Variants in SLC26A11 observed in about 807,000 individuals in gnomAD.
SLC26A11 encodes sodium-independent sulfate anion transporter.
In SLC26A11, 58 loss-of-function variants were observed where a neutral mutation model predicts 62.2. The observed-to-expected ratio is 0.93, with a 90% CI of 0.76 to 1.16. The LOEUF is 1.16. Among genes scored for constraint, SLC26A11 ranks in the 50% most tolerant of loss-of-function variants. The pLI, the probability that SLC26A11 is intolerant of heterozygous loss-of-function variation, is 0.00. For missense variants in SLC26A11, 790 were observed against 794.3 expected, an observed-to-expected ratio of 0.99 and a Z score of 0.06; for synonymous variants, 411 against 368.9, an observed-to-expected ratio of 1.11 and a Z score of -1.31.
rs1301797616 is a variant in SLC26A11 at position 80,248,694 on chromosome 17, G to A, written c.1522+20G>A. 8.4e-6 allele frequency: 13 copies of A among 1,552,222 alleles called. No homozygotes were observed. The highest frequency in any genetic ancestry group is 8.7e-7 in the Non-Finnish European group (1 of 1,147,300). On this transcript the variant is annotated intron_variant, in intron 15 of 17. Transcript: ENST00000361193. ...TGGAAGGTGCATGGGCGGGGGTCAAGGTGGTCTGAGGTCACTCCCCTGTCC... is the reference window on the plus strand; with the variant it reads ...TGGAAGGTGCATGGGCGGGGGTCAAAGTGGTCTGAGGTCACTCCCCTGTCC...
In SLC26A11 at chr17:80,252,641, G is replaced by C; in HGVS notation, c.1746G>C (p.Gln582His). The change falls in exon 18 of 18, where the codon CAG becomes CAC. Residue 582 changes from glutamine to histidine, a missense_variant. Coordinates refer to ENST00000361193, the MANE Select transcript of SLC26A11 (RefSeq NM_001166347.2). This position sits in a 1 kb window ranked among gnomAD's most constrained non-coding sequence, Gnocchi z 5.2. ...TLEEAEKHLR[Q>H]EPGTQPYNIR... ...TTTCTGCAGAGAAGCACCTGAGGCA[G>C]GAGCCAGGGACCCAGCCCTACAACA... 6.2e-7 allele frequency: 1 copy of C among 1,613,938 alleles called. No homozygotes were observed. Among genetic ancestry groups the C allele is most frequent in the Non-Finnish European group, 8.5e-7 (1 of 1,179,934 alleles).
rs138258263 is a variant in SLC26A11, at chr17:80,248,729, C to T, written c.1522+55C>T. Reference sequence around the variant, plus strand: ...GGTCACTCCCCTGTCCTCTGCCCCCCACTCCCTGCTGTTCAGGACCCCAAG... The same window carrying T: ...GGTCACTCCCCTGTCCTCTGCCCCCTACTCCCTGCTGTTCAGGACCCCAAG... On this transcript the variant is annotated intron_variant, in intron 15 of 17. Transcript: ENST00000361193. 1.4e-4 allele frequency: 213 copies of T among 1,493,020 alleles called. 2 individuals are homozygous for T. The highest frequency in any genetic ancestry group is 1.2e-3 in the Middle Eastern group (7 of 5,884). The allele number at this position is 1,493,020 out of a possible 1,614,324, so 92.5% of individuals were successfully genotyped here.
chr17:80,247,289 A>C (rs1257026886), intron 13 of SLC26A11, among the ~76,000 whole-genome samples: 1 of 151,528 alleles, frequency 6.6e-6, no homozygotes, highest in African/African-American at 2.4e-5. Flanking sequence ...TCTTTTCCCC[A>C]CCTTTCCCCC....
chr17:80,227,965 G>C lies in SLC26A11; in HGVS notation c.736+5G>C. The C allele has an allele frequency of 6.3e-7, 1 of 1,599,234 alleles. No homozygotes were observed. ...TGGTCTGGGCTGCCACGACAGGTGA[G>C]GGGCCTCTGGCTGACATCTTATGCA... On this transcript the variant is annotated splice_donor_5th_base_variant and intron_variant, in intron 7 of 17. Transcript: ENST00000361193.
At position 80,238,827 on chromosome 17, in the gene SLC26A11, G is replaced by GTTTTT. The variant is rs1197738028; in HGVS notation, c.985+1244_985+1248dup. Among the ~76,000 whole-genome samples, 61 of 130,852 alleles carry GTTTTT rather than the reference G, an allele frequency of 4.7e-4. 2 individuals carry two copies. Among genetic ancestry groups the GTTTTT allele is most frequent in the African/African-American group, 1.9e-3 (59 of 31,750 alleles). 85.8% of individuals were successfully genotyped at this position (130,852 alleles called of 152,430 possible). ...TTCAAAGGAGTTTTTTTTGTTTTTT[G>GTTTTT]TTTTTTTTTTTTTTTGGAGACAGAG... On this transcript the variant is annotated intron_variant, in intron 9 of 17. Coordinates refer to ENST00000361193, the MANE Select transcript of SLC26A11 (RefSeq NM_001166347.2).
Position 80,252,557 on chromosome 17 carries a change from TC to T in SLC26A11, c.1730-66del. 1 of 1,487,800 alleles carries T rather than the reference TC, an allele frequency of 6.7e-7. No homozygotes were observed. Among genetic ancestry groups the T allele is most frequent in the Non-Finnish European group, 9.3e-7 (1 of 1,076,616 alleles). The allele number at this position is 1,487,800 out of a possible 1,614,324, so 92.2% of individuals were successfully genotyped here. A position where few individuals can be genotyped will look rare whatever the true frequency, so the allele number is the denominator to read the frequency against. ...CTCTGGAAGGCCCTCCTTAATCCCT[TC>T]CTGTGAACTGACCCATCCTCACTTC... On this transcript the variant is annotated intron_variant, in intron 17 of 17. Coordinates refer to ENST00000361193, the MANE Select transcript of SLC26A11 (RefSeq NM_001166347.2). This position sits in a 1 kb window ranked among gnomAD's most constrained non-coding sequence, Gnocchi z 5.2.
chr17:80,240,121 A>T (rs892303670), intron 9 of SLC26A11, among the ~76,000 whole-genome samples: 1 of 152,210 alleles, frequency 6.6e-6, no homozygotes, highest in Non-Finnish European at 1.5e-5. Context: ...TAGTCCCAGC[A>T]CTTTGGGAGG....
At chr17:80,245,052 G>A in intron 10 of SLC26A11, 144 bp from the exon 11 acceptor site, 1 of 657,960 alleles carries the variant, frequency 1.5e-6, no homozygotes, top group South Asian at 1.7e-5. Flanking sequence ...CCCTGAAGGA[G>A]TGCGTAGGCC....
intron 10 of SLC26A11, among the ~76,000 whole-genome samples, chr17:80,242,476 G>A (rs1340488990): frequency 2.0e-5 from 3 of 152,152 alleles, no homozygotes; most frequent in Non-Finnish European, 2.9e-5. Flanking sequence ...ACCTAGTGCC[G>A]GGGGTCAAGA....
At position 80,228,058 on chromosome 17, in the gene SLC26A11, T is replaced by G; in HGVS notation, c.736+98T>G. The G allele has an allele frequency of 8.9e-7, 1 of 1,122,200 alleles. No homozygotes were observed. The highest frequency in any genetic ancestry group is 1.3e-6 in the Non-Finnish European group (1 of 785,724). The allele number at this position is 1,122,200 out of a possible 1,614,324, so 69.5% of individuals were successfully genotyped here. ...ACCCTAGGGATTCTCACGTCATTGG[T>G]CTGGGTGTCACTTGAGCATTGGGAC... On this transcript the variant is annotated intron_variant, in intron 7 of 17. Transcript: ENST00000361193. The surrounding 1 kb of genome is among the most constrained non-coding windows in gnomAD (Gnocchi z 4.1).
rs10664170 is a variant in SLC26A11, at chr17:80,224,370, A to G, written c.513+1033A>G. Among the ~76,000 whole-genome samples the G allele has an allele frequency of 1.7e-3, 170 of 97,744 alleles. 1 individual carries two copies. The highest frequency in any genetic ancestry group is 8.0e-3 in the African/African-American group (167 of 20,906). The allele number at this position is 97,744 out of a possible 152,430, so 64.1% of individuals were successfully genotyped here. On this transcript the variant is annotated intron_variant, in intron 5 of 17. Coordinates refer to ENST00000361193, the MANE Select transcript of SLC26A11 (RefSeq NM_001166347.2). Reference sequence around the variant, plus strand: ...GTGGGTGTGGGTGTGAGGGAGTGTGAGTGCGCGCGCGCGTGTGTGAGTGTA... The same window carrying G: ...GTGGGTGTGGGTGTGAGGGAGTGTGGGTGCGCGCGCGCGTGTGTGAGTGTA...
chr17:80,246,338 C>T lies in SLC26A11; in HGVS notation c.1153+129C>T. 2.8e-6 allele frequency: 4 copies of T among 1,415,608 alleles called. No individual in the cohort carries two copies. Among genetic ancestry groups the T allele is most frequent in the Non-Finnish European group, 3.8e-6 (4 of 1,049,828 alleles). 87.7% of individuals were successfully genotyped at this position (1,415,608 alleles called of 1,614,324 possible). A position where few individuals can be genotyped will look rare whatever the true frequency, so the allele number is the denominator to read the frequency against. On this transcript the variant is annotated intron_variant, in intron 12 of 17. Transcript: ENST00000361193. The surrounding 1 kb of genome is among the most constrained non-coding windows in gnomAD (Gnocchi z 4.4). ...GGGACTGCACAGGGACTTGGGGGGC[C>T]ACACAGGAGTAGGGGGACCACAGGA...
intron 16 of SLC26A11, among the ~76,000 whole-genome samples, 183 bp from the exon 17 acceptor site, chr17:80,251,146 A>T (rs11868423): frequency 0.36 from 53,984 of 148,446 alleles, 9,744 homozygotes; most frequent in East Asian, 0.58. Context: ...ACAAAAAATT[A>T]AAAAAAAAAA....
rs1555629117 is a variant in SLC26A11, at chr17:80,238,811, G to GGTTTTTTTTTTTTTTTTTTTTT, written c.985+1217_985+1218insGTTTTTTTTTTTTTTTTTTTTT. 1.4e-4 allele frequency among the ~76,000 whole-genome samples: 17 copies of GGTTTTTTTTTTTTTTTTTTTTT among 123,226 alleles called. 1 individual carries two copies. The highest frequency in any genetic ancestry group is 5.5e-4 in the African/African-American group (16 of 29,194). 80.8% of individuals were successfully genotyped at this position (123,226 alleles called of 152,430 possible). ...TCTAACCCTTACCCCCTTCAAAGGA[G>GGTTTTTTTTTTTTTTTTTTTTT]TTTTTTTTGTTTTTTGTTTTTTTTT... is the stretch of plus-strand genomic sequence containing the variant. On this transcript the variant is annotated intron_variant, in intron 9 of 17. Transcript: ENST00000361193.
At position 80,221,622 on chromosome 17, in the gene SLC26A11, G is replaced by A. The variant is rs146795725; in HGVS notation, c.62G>A (p.Ser21Asn). 6 of 1,610,128 alleles carry A rather than the reference G, an allele frequency of 3.7e-6. No individual in the cohort carries two copies. In the East Asian group the frequency reaches 1.3e-4, roughly 36 times the overall value. ...TCCTCTGGCCCCGGGATGGCCCCGA[G>A]CGCCTGCTGCTGCTCCCCTGCGGCC... ...ARSSGPGMAPSACCCSPAALQ... is the reference protein window; with the variant it reads ...ARSSGPGMAPNACCCSPAALQ... Residue 21 changes from serine to asparagine, a missense_variant, in exon 3 of 18, where the codon AGC becomes AAC. Transcript: ENST00000361193.
At position 80,225,918 on chromosome 17, in the gene SLC26A11, T is replaced by C; in HGVS notation, c.593+2T>C. The C allele has an allele frequency of 6.2e-7, 1 of 1,613,698 alleles. No individual in the cohort carries two copies. The highest frequency in any genetic ancestry group is 8.5e-7 in the Non-Finnish European group (1 of 1,179,704). ...CTTCCTCAGGATTGCAGAGACCAGG[T>C]ACCCCGGGCTTTGTTCCTCCCTCCT... On this transcript the variant is annotated splice_donor_variant, in intron 6 of 17. Transcript: ENST00000361193. LOFTEE classifies it high-confidence loss of function.
At chr17:80,227,313 C>T (rs2042438700) in intron 6 of SLC26A11, among the ~76,000 whole-genome samples, 1 of 152,224 alleles carries the variant, frequency 6.6e-6, no homozygotes, top group South Asian at 2.1e-4. Flanking sequence ...CAGACTTGTT[C>T]TAGAGCCACC....
rs556867248 is a variant in SLC26A11, at chr17:80,249,022, G to A, written c.1523-132G>A. On this transcript the variant is annotated intron_variant, in intron 15 of 17. Transcript: ENST00000361193. ...TGCCACCCGAATCCCCCAACTGGGC[G>A]ACTCAGCCGCCACGAGATGGAGCAC... 9.5e-6 allele frequency: 11 copies of A among 1,157,328 alleles called. No individual in the cohort carries two copies. In the East Asian group the frequency reaches 1.0e-4, roughly 11 times the overall value. 71.7% of individuals were successfully genotyped at this position (1,157,328 alleles called of 1,614,324 possible). A position where few individuals can be genotyped will look rare whatever the true frequency, so the allele number is the denominator to read the frequency against.
At position 80,237,041 on chromosome 17, in the gene SLC26A11, C is replaced by T. The variant is rs551759356; in HGVS notation, c.850C>T (p.Arg284Trp). The T allele has an allele frequency of 3.7e-5, 59 of 1,614,074 alleles. No homozygotes were observed. Among genetic ancestry groups the T allele is most frequent in the Admixed American group, 2.0e-4 (12 of 60,018 alleles). Residue 284 changes from arginine to tryptophan, a missense_variant, in exon 8 of 18, where the codon CGG becomes TGG. Physicochemically the swap from Arg to Trp is moderately radical, Grantham distance 101 (BLOSUM62 -3). Transcript: ENST00000361193. ...GACAGCTGAGGGGCTCCCTCCAGTC[C>T]GGATCCCGCCCTTCTCAGTGACCAC... ...GETAEGLPPV[R>W]IPPFSVTTAN...
Sources: allele counts gnomAD v4.1 joint callset (sites outside exome capture counted in the v4.1 genomes callset), GRCh38; gene constraint gnomAD v4.1.1; non-coding constraint Gnocchi (gnomAD v3.1); transcripts MANE v1.5; gene names NCBI Gene and HGNC (gene_info 2026-07-23, HGNC 2026-07-21).